PCDH9: variants seen among roughly 807,000 people sequenced by gnomAD.
PCDH9 encodes the protein protocadherin-9.
PCDH9 carries 24 observed loss-of-function variants against 70.6 expected under a neutral mutation model. That is an observed-to-expected ratio of 0.34 (90% confidence interval 0.25 to 0.48). The LOEUF is 0.48. Among genes scored for constraint, PCDH9 ranks in the 20% least tolerant of loss-of-function variants. The probability of loss-of-function intolerance (pLI) is 0.99; values close to 1 mark genes in which losing one functional copy is unlikely to be tolerated. For missense variants in PCDH9, 1,281 were observed against 1,503.6 expected, an observed-to-expected ratio of 0.85 and a Z score of 2.45; for synonymous variants, 562 against 558.5, an observed-to-expected ratio of 1.01 and a Z score of -0.09.
chr13:66,652,503 A>G (rs1026846093), intron 3 of PCDH9, among the ~76,000 whole-genome samples: 1 of 152,046 alleles, frequency 6.6e-6, no homozygotes, highest in East Asian at 1.9e-4. Context: ...AAGGAAAGAT[A>G]TCTATGTTCA....
intron 4 of PCDH9, among the ~76,000 whole-genome samples, chr13:66,476,157 C>A (rs1286035050): frequency 6.6e-6 from 1 of 152,010 alleles, no homozygotes; most frequent in Non-Finnish European, 1.5e-5. Context: ...ATAACACCCC[C>A]CTATCTTTAT....
chr13:66,519,735 A>G (rs1054670010), intron 4 of PCDH9, among the ~76,000 whole-genome samples: 1 of 152,074 alleles, frequency 6.6e-6, no homozygotes, highest in East Asian at 1.9e-4. Context: ...TGCATGACAC[A>G]GTATCATTCT....
chr13:66,344,285 C>G (rs1956178829), intron 4 of PCDH9, among the ~76,000 whole-genome samples: 1 of 151,514 alleles, frequency 6.6e-6, no homozygotes, highest in East Asian at 1.9e-4. Context: ...TGGGACCACG[C>G]CCAGCTAATT....
At chr13:66,757,559 T>TA (rs896319061) in intron 3 of PCDH9, among the ~76,000 whole-genome samples, 23 of 152,166 alleles carry the variant, frequency 1.5e-4, no homozygotes, top group African/African-American at 2.9e-4. Flanking sequence ...ATGTAAATGG[T>TA]AAAAAACAGA....
At chr13:67,021,958 G>T (rs2084682091) in intron 2 of PCDH9, among the ~76,000 whole-genome samples, 1 of 151,670 alleles carries the variant, frequency 6.6e-6, no homozygotes, top group Admixed American at 6.6e-5. Flanking sequence ...CATACCACTT[G>T]GATTTTTAAA....
At chr13:66,449,072 G>A (rs980155732) in intron 4 of PCDH9, among the ~76,000 whole-genome samples, 3 of 151,978 alleles carry the variant, frequency 2.0e-5, no homozygotes, top group Non-Finnish European at 4.4e-5. Context: ...AGAGACAAGG[G>A]GATAAAATCA....
In PCDH9 at chr13:66,380,636, C is replaced by G. The variant is rs182337626; in HGVS notation, c.3341-75608G>C. 5.5e-3 allele frequency among the ~76,000 whole-genome samples: 810 copies of G among 147,712 alleles called. 3 individuals are homozygous for G. The highest frequency in any genetic ancestry group is 0.019 in the African/African-American group (776 of 40,662). On this transcript the variant is annotated intron_variant, in intron 4 of 4. Coordinates refer to ENST00000377865, the MANE Select transcript of PCDH9 (RefSeq NM_203487.3). ...TCGGCTCACTGCAAGCTCCGCCTCC[C>G]GGGTTCACGCCATTCTCCTGCCTCA...
In PCDH9 at chr13:67,064,890, A is replaced by AG. The variant is rs1455405184; in HGVS notation, c.3036+160514_3036+160515insC. Among the ~76,000 whole-genome samples the AG allele has an allele frequency of 1.6e-3, 224 of 139,180 alleles. 1 individual carries two copies. The highest frequency in any genetic ancestry group is 5.7e-3 in the African/African-American group (210 of 36,762). The allele number at this position is 139,180 out of a possible 152,430, so 91.3% of individuals were successfully genotyped here. ...TATGTGTGTGTATCTGCCTGTGTGG[A>AG]AATAGATAGATAGATAGATAGATAG... is the stretch of plus-strand genomic sequence containing the variant. On this transcript the variant is annotated intron_variant, in intron 2 of 4. Coordinates refer to ENST00000377865, the MANE Select transcript of PCDH9 (RefSeq NM_203487.3).
intron 3 of PCDH9, among the ~76,000 whole-genome samples, chr13:66,888,271 G>C (rs1468983169): frequency 6.6e-6 from 1 of 152,052 alleles, no homozygotes; most frequent in African/African-American, 2.4e-5. Context: ...GAGCTGGGAG[G>C]ATCACTTGAG....
chr13:67,192,811 C>T (rs747683596), intron 2 of PCDH9, among the ~76,000 whole-genome samples: 3 of 152,096 alleles, frequency 2.0e-5, no homozygotes, highest in Non-Finnish European at 2.9e-5. Flanking sequence ...TGAAACCACT[C>T]GATTTAAATA....
At chr13:66,782,678 G>A (rs530207408) in intron 3 of PCDH9, 61 of 151,978 alleles carry the variant, frequency 4.0e-4, no homozygotes, top group African/African-American at 1.4e-3. Flanking sequence ...TATGAATATA[G>A]CTACTAAAAA....
chr13:66,526,721 T>G (rs987706638), intron 4 of PCDH9, among the ~76,000 whole-genome samples: 1 of 152,172 alleles, frequency 6.6e-6, no homozygotes, highest in African/African-American at 2.4e-5. Flanking sequence ...TGAAACATAA[T>G]AATCTCAAAT....
At chr13:67,053,398 G>A (rs1277348702) in intron 2 of PCDH9, among the ~76,000 whole-genome samples, 1 of 152,132 alleles carries the variant, frequency 6.6e-6, no homozygotes, top group African/African-American at 2.4e-5. Flanking sequence ...AAGTGTCATA[G>A]AATAAAGAAA....
intron 3 of PCDH9, among the ~76,000 whole-genome samples, chr13:66,679,826 C>A (rs573604535): frequency 1.6e-4 from 25 of 151,960 alleles, no homozygotes; most frequent in Middle Eastern, 3.4e-3. Context: ...GTTAGTTCAC[C>A]TGACTCACCT....
chr13:66,441,217 T>C (rs565124062), intron 4 of PCDH9, among the ~76,000 whole-genome samples: 23 of 152,334 alleles, frequency 1.5e-4, no homozygotes, highest in Admixed American at 3.3e-4. Context: ...GTAAGAGCTC[T>C]GGTGGATGAA....
chr13:66,964,855 G>T (rs1004098014), intron 2 of PCDH9, among the ~76,000 whole-genome samples: 24 of 151,880 alleles, frequency 1.6e-4, no homozygotes, highest in African/African-American at 5.8e-4. Context: ...TGGGGCACAT[G>T]AAAATTCAAG....
intron 3 of PCDH9, among the ~76,000 whole-genome samples, chr13:66,795,688 CCAAT>C (rs2080229876): frequency 6.6e-6 from 1 of 151,960 alleles, no homozygotes; most frequent in Admixed American, 6.6e-5. Context: ...TTACTCATTG[CCAAT>C]CAAACTAATA....
chr13:66,402,343 A>C lies in PCDH9; in HGVS notation c.3341-97315T>G, dbSNP rs944114844. 2.0e-5 allele frequency among the ~76,000 whole-genome samples: 3 copies of C among 152,136 alleles called. No individual in the cohort carries two copies. In the South Asian group the frequency reaches 6.2e-4, roughly 32 times the overall value. On this transcript the variant is annotated intron_variant, in intron 4 of 4. Coordinates refer to ENST00000377865, the MANE Select transcript of PCDH9 (RefSeq NM_203487.3). ...AAATGTCTTTATGCTTAAGAAAAAAAATGATTTATTTGTATTTTTTAATAA... is the reference window on the plus strand; with the variant it reads ...AAATGTCTTTATGCTTAAGAAAAAACATGATTTATTTGTATTTTTTAATAA...
intron 3 of PCDH9, among the ~76,000 whole-genome samples, chr13:66,751,877 G>T: frequency 6.6e-6 from 1 of 152,214 alleles, no homozygotes; most frequent in East Asian, 1.9e-4. Flanking sequence ...GCAGTGAAAA[G>T]TGAAACCAGT....
Sources: gnomAD v4.1 joint callset for allele counts (sites outside exome capture counted in the v4.1 genomes callset) on GRCh38, gnomAD v4.1.1 for gene constraint, MANE v1.5 for transcripts, NCBI Gene and HGNC (gene_info 2026-07-23, HGNC 2026-07-21) for gene names.